Variants in ABCB1 observed in about 807,000 individuals in gnomAD.
ABCB1 encodes ATP-dependent translocase ABCB1.
A neutral mutation model predicts 142.0 loss-of-function variants in ABCB1; 69 were observed. The observed-to-expected ratio is 0.49, with a 90% CI of 0.40 to 0.59. The LOEUF (loss-of-function observed/expected upper bound fraction) is 0.59, where lower values mean the gene tolerates loss of function less well. ABCB1 is among the 20% of genes least tolerant of loss of function. The probability of loss-of-function intolerance (pLI) is 0.00; values close to 1 mark genes in which losing one functional copy is unlikely to be tolerated. For missense variants in ABCB1, 1,326 were observed against 1,554.7 expected, an observed-to-expected ratio of 0.85 and a Z score of 2.47; for synonymous variants, 532 against 539.2, an observed-to-expected ratio of 0.99 and a Z score of 0.18.
chr7:87,510,911 T>C (rs1814975113), intron 25 of ABCB1, among the ~76,000 whole-genome samples: 1 of 152,198 alleles, frequency 6.6e-6, no homozygotes, highest in African/African-American at 2.4e-5. Context: ...CAGCAGATCT[T>C]GTTAGATAAA....
At chr7:87,614,128 T>A (rs1819952371) in intron 1 of ABCB1, among the ~76,000 whole-genome samples, 1 of 152,096 alleles carries the variant, frequency 6.6e-6, no homozygotes, top group South Asian at 2.1e-4. Flanking sequence ...GAGTGAAGAA[T>A]CTCATGCCTG....
intron 7 of ABCB1, among the ~76,000 whole-genome samples, chr7:87,565,719 T>A (rs1817756613): frequency 6.6e-6 from 1 of 151,948 alleles, no homozygotes; most frequent in Non-Finnish European, 1.5e-5. Flanking sequence ...TGGGGCATCA[T>A]CCACTAGAGA....
At chr7:87,671,907 A>G (rs139017011) in intron 1 of ABCB1, among the ~76,000 whole-genome samples, 5 of 152,284 alleles carry the variant, frequency 3.3e-5, no homozygotes, top group Admixed American at 3.3e-4. Context: ...TGTTGGCTGG[A>G]AAACACAGGC....
chr7:87,601,135 T>C (rs1164216997), upstream of ABCB1: 1 of 152,214 alleles, frequency 6.6e-6, no homozygotes, highest in Non-Finnish European at 1.5e-5. Flanking sequence ...ACATTTCAAC[T>C]TATGTAGACA....
intron 3 of ABCB1, among the ~76,000 whole-genome samples, chr7:87,588,509 A>G (rs575435386): frequency 6.6e-6 from 1 of 152,246 alleles, no homozygotes; most frequent in African/African-American, 2.4e-5. Flanking sequence ...AAAGGACGTG[A>G]TCTCGTTTCT....
intron 1 of ABCB1, among the ~76,000 whole-genome samples, chr7:87,626,950 A>AT (rs1584936391): frequency 6.6e-6 from 1 of 151,840 alleles, no homozygotes; most frequent in East Asian, 1.9e-4. Context: ...TAATTTTTGT[A>AT]TTTTTAGTAG....
rs1262881823 is a variant in ABCB1, at chr7:87,679,767, C to T, written c.-331+33394G>A. On this transcript the variant is annotated intron_variant, in intron 1 of 28. Transcript: ENST00000265724. Reference sequence around the variant, plus strand: ...ATATTCTTTTCGAGGGCAAGTGGAACATTAAAAAAGATCTTATTCTGAGCC... The same window carrying T: ...ATATTCTTTTCGAGGGCAAGTGGAATATTAAAAAAGATCTTATTCTGAGCC... Among the ~76,000 whole-genome samples the T allele has an allele frequency of 2.0e-5, 3 of 149,900 alleles. No individual in the cohort carries two copies. In the East Asian group the frequency reaches 5.9e-4, roughly 30 times the overall value.
intron 1 of ABCB1, among the ~76,000 whole-genome samples, chr7:87,661,438 G>A (rs1202055379): frequency 6.7e-6 from 1 of 150,124 alleles, no homozygotes. Context: ...CCAGCCTCTG[G>A]TAACCATTAT....
At chr7:87,589,465 T>C (rs924999744) in intron 3 of ABCB1, among the ~76,000 whole-genome samples, 9 of 151,974 alleles carry the variant, frequency 5.9e-5, no homozygotes, top group African/African-American at 1.9e-4. Flanking sequence ...AATAGAAGTA[T>C]AAACTAATTG....
At chr7:87,636,272 A>G (rs551600611) in intron 1 of ABCB1, among the ~76,000 whole-genome samples, 1 of 152,176 alleles carries the variant, frequency 6.6e-6, no homozygotes, top group Non-Finnish European at 1.5e-5. Context: ...CCAATCTTGT[A>G]TGTTTGTTGG....
At chr7:87,590,405 G>T (rs1471438704) in intron 3 of ABCB1, among the ~76,000 whole-genome samples, 1 of 152,178 alleles carries the variant, frequency 6.6e-6, no homozygotes, top group Admixed American at 6.5e-5. Context: ...ACATAAAAAA[G>T]AAATCAGACA....
intron 10 of ABCB1, 67 bp downstream of exon 10, chr7:87,550,658 T>C (rs1817020776): frequency 2.6e-6 from 4 of 1,565,182 alleles, no homozygotes; most frequent in Non-Finnish European, 3.5e-6. Context: ...CTGGATAAAG[T>C]GACAAAGAAA....
intron 1 of ABCB1, chr7:87,713,130 CA>C (rs1259295980): frequency 1.3e-5 from 2 of 152,072 alleles, no homozygotes; most frequent in African/African-American, 4.8e-5. Context: ...TTGTAAAATA[CA>C]AACAATTAGA....
At chr7:87,521,015 A>C (rs1243691597) in intron 21 of ABCB1, 139 bp from the exon 22 acceptor site, 1 of 698,186 alleles carries the variant, frequency 1.4e-6, no homozygotes, top group Non-Finnish European at 2.5e-6. Context: ...TCTGTAGAAA[A>C]AGATACTAAG....
rs773204174 is a variant in ABCB1, at chr7:87,623,855, CAAT to C, written c.-330-22780_-330-22778del. 1.3e-4 allele frequency among the ~76,000 whole-genome samples: 20 copies of C among 152,132 alleles called. No homozygotes were observed. The South Asian group carries it at 4.1e-3, about 32-fold the overall frequency. ...TCTGTGAAAAATAATGACATGATAG[CAAT>C]AAAACACCAATGTCCCTCTGTTCAA... On this transcript the variant is annotated intron_variant, in intron 1 of 28. Transcript: ENST00000265724.
intron 1 of ABCB1, among the ~76,000 whole-genome samples, chr7:87,676,703 C>CAAAAA (rs57480483): frequency 2.2e-5 from 1 of 45,424 alleles, no homozygotes; most frequent in African/African-American, 7.8e-5. Flanking sequence ...GACCCTGTCT[C>CAAAAA]AAAAAAAAAA....
At chr7:87,577,211 C>T (rs1023343020) in intron 4 of ABCB1, among the ~76,000 whole-genome samples, 1 of 152,086 alleles carries the variant, frequency 6.6e-6, no homozygotes, top group Non-Finnish European at 1.5e-5. Flanking sequence ...ATATAATCTC[C>T]TCCAGTTCCA....
At chr7:87,552,004 C>T (rs1289329756) in intron 9 of ABCB1, among the ~76,000 whole-genome samples, 2 of 152,154 alleles carry the variant, frequency 1.3e-5, no homozygotes, top group African/African-American at 2.4e-5. Flanking sequence ...CAAAAACAGG[C>T]AAGATTCTAT....
At chr7:87,537,938 G>T (rs186318612) in intron 19 of ABCB1, among the ~76,000 whole-genome samples, 1 of 152,166 alleles carries the variant, frequency 6.6e-6, no homozygotes, top group African/African-American at 2.4e-5. Context: ...AAATATTTAA[G>T]AAAAAATAGT....
Sources: gnomAD v4.1 joint callset for allele counts (sites outside exome capture counted in the v4.1 genomes callset) on GRCh38, gnomAD v4.1.1 for gene constraint, MANE v1.5 for transcripts, NCBI Gene and HGNC (gene_info 2026-07-23, HGNC 2026-07-21) for gene names.